The following DCLK3 variants were observed in gnomAD, a reference collection of about 807,000 sequenced individuals.
The protein encoded by DCLK3 is doublecortin like kinase 3, also known as serine/threonine-protein kinase DCLK3.
Under a neutral mutation model 46.4 loss-of-function variants are expected in DCLK3, and 30 were observed. That is an observed-to-expected ratio of 0.65 (90% CI 0.48 to 0.88). The LOEUF is 0.88. Ranked by LOEUF, DCLK3 falls within the 40% of genes least tolerant of loss-of-function variation. The pLI, the probability that DCLK3 is intolerant of heterozygous loss-of-function variation, is 0.00. For synonymous variants in DCLK3, 401 were observed against 339.2 expected (o/e 1.18, Z -2.00); for missense variants, 846 against 907.1 (o/e 0.93, Z 0.87).
chr3:36,724,643 A>C (rs532722058), intron 2 of DCLK3, among the ~76,000 whole-genome samples: 14 of 152,156 alleles, frequency 9.2e-5, no homozygotes, highest in Admixed American at 6.5e-4. Flanking sequence ...CAAGCTCTCT[A>C]TTTGCCTGCT....
intron 1 of DCLK3, among the ~76,000 whole-genome samples, chr3:36,753,286 C>G (rs1171046982): frequency 6.6e-6 from 1 of 152,180 alleles, no homozygotes; most frequent in Non-Finnish European, 1.5e-5. Flanking sequence ...TCCCTCCTCC[C>G]AATAGAATAA....
intron 2 of DCLK3, among the ~76,000 whole-genome samples, chr3:36,724,413 G>GACATGAGA (rs1701100099): frequency 6.6e-6 from 1 of 152,178 alleles, no homozygotes; most frequent in African/African-American, 2.4e-5. Context: ...GAAATGTGAG[G>GACATGAGA]ACATGAGATT....
chr3:36,764,417 C>A lies in DCLK3; in HGVS notation c.-154G>T, dbSNP rs1701568253. On this transcript the variant is annotated 5_prime_UTR_variant, in exon 1 of 5. Transcript: ENST00000636136. The surrounding 1 kb of genome is among the most constrained non-coding windows in gnomAD (Gnocchi z 4.9). ...TCTCTCCCTCCCGCCGCCCGCCGCC[C>A]GCCTGCCAGCCCCGCGCCGCGCAGC... 5.9e-6 allele frequency: 1 copy of A among 168,618 alleles called. No homozygotes were observed. The highest frequency in any genetic ancestry group is 1.8e-4 in the South Asian group (1 of 5,560). 10.4% of individuals were successfully genotyped at this position (168,618 alleles called of 1,614,324 possible).
At chr3:36,728,653 A>T (rs1230951147) in intron 2 of DCLK3, among the ~76,000 whole-genome samples, 1 of 152,172 alleles carries the variant, frequency 6.6e-6, no homozygotes, top group Non-Finnish European at 1.5e-5. Context: ...ACTTGGGCTG[A>T]GCCACGCTAC....
chr3:36,717,936 T>C (rs1297180200), intron 4 of DCLK3, 74 bp downstream of exon 4: 1 of 1,577,316 alleles, frequency 6.3e-7, no homozygotes, highest in East Asian at 2.2e-5. Flanking sequence ...CCAGGCACAG[T>C]GGTGGGTCCT....
chr3:36,760,166 C>T lies in DCLK3; in HGVS notation c.82+4016G>A, dbSNP rs146406552. Among the ~76,000 whole-genome samples the T allele has an allele frequency of 2.3e-3, 353 of 152,320 alleles. 1 individual carries two copies. The highest frequency in any genetic ancestry group is 7.8e-3 in the African/African-American group (323 of 41,568). On this transcript the variant is annotated intron_variant, in intron 1 of 4. Coordinates refer to ENST00000636136, the MANE Select transcript of DCLK3 (RefSeq NM_001394672.2). ...ATTCCTAGCTCTCTCTACCCCAGCT[C>T]CAGGCCAGACCTGCCTAGGAGGCCT...
chr3:36,739,214 T>C (rs1701317408), intron 1 of DCLK3, 130 bp from the exon 2 acceptor site: 1 of 395,458 alleles, frequency 2.5e-6, no homozygotes, highest in African/African-American at 2.1e-5. Context: ...TGAGAGTCTG[T>C]TAGAAATGAC....
Position 36,738,031 on chromosome 3 carries a change from G to A in DCLK3, c.1136C>T (p.Pro379Leu). The A allele has an allele frequency of 6.2e-7, 1 of 1,614,022 alleles. No homozygotes were observed. Among genetic ancestry groups the A allele is most frequent in the Non-Finnish European group, 8.5e-7 (1 of 1,180,002 alleles). Residue 379 changes from proline to leucine, a missense_variant, in exon 2 of 5, where the codon CCC (proline) becomes CTC (leucine). Coordinates refer to ENST00000636136, the MANE Select transcript of DCLK3 (RefSeq NM_001394672.2). ...GCTGGGTCTCCTCAGCTCTTGAGTG[G>A]GATTCCTGGGGCTGCTCCTGTGGCT... ...GDSHRSSPRN[P>L]TQELRRPSKS... is the part of the protein sequence containing the mutation.
chr3:36,739,022 G>A lies in DCLK3; in HGVS notation c.145C>T (p.Leu49=). 2.5e-6 allele frequency: 1 copy of A among 398,950 alleles called. No individual in the cohort carries two copies. The highest frequency in any genetic ancestry group is 6.3e-4 in the Middle Eastern group (1 of 1,588). The allele number at this position is 398,950 out of a possible 1,614,324, so 24.7% of individuals were successfully genotyped here. A position where few individuals can be genotyped will look rare whatever the true frequency, so the allele number is the denominator to read the frequency against. The change falls in exon 2 of 5, where the codon CTG becomes TTG. Residue 49 remains leucine, a synonymous_variant. Coordinates refer to ENST00000636136, the MANE Select transcript of DCLK3 (RefSeq NM_001394672.2). The stretch of plus-strand genomic sequence containing the variant: ...CTGGCAGGCAGCCAGGAGCCTTGCA[G>A]CTTCCGCTCTGTGATTCTCGAGCTT... ...YLSSRITERK[L]QGSWLPASRG...
chr3:36,718,495 G>A (rs1024861038), intron 3 of DCLK3, among the ~76,000 whole-genome samples: 6 of 152,206 alleles, frequency 3.9e-5, no homozygotes, highest in African/African-American at 1.2e-4. Context: ...AGACTGTGAC[G>A]CTCAGTTGCA....
intron 1 of DCLK3, among the ~76,000 whole-genome samples, chr3:36,762,643 T>C (rs1701549857): frequency 6.6e-6 from 1 of 152,176 alleles, no homozygotes; most frequent in Admixed American, 6.5e-5. Flanking sequence ...AGGCACTCCC[T>C]GTTCTGAGTC....
rs202208144 is a variant in DCLK3, at chr3:36,737,641, C to T, written c.1526G>A (p.Arg509Gln). The T allele has an allele frequency of 4.1e-5, 66 of 1,613,898 alleles. No individual in the cohort carries two copies. Among genetic ancestry groups the T allele is most frequent in the Middle Eastern group, 1.6e-4 (1 of 6,082 alleles). ...AATGATGCCCATGGGCCGTGGCTTC[C>T]GACCGCTGGGCCGCTCTGGCTTGTT... ...EENKPERPSG[R>Q]KPRPMGIIAA... Residue 509 changes from arginine to glutamine, a missense_variant, in exon 2 of 5, where the codon CGG becomes CAG. This residue lies in a region of DCLK3 where 553 missense variants were observed against 543.0 expected (regional missense o/e 1.02). Coordinates refer to ENST00000636136, the MANE Select transcript of DCLK3 (RefSeq NM_001394672.2). The surrounding 1 kb of genome is among the most constrained non-coding windows in gnomAD (Gnocchi z 4.4).
intron 1 of DCLK3, among the ~76,000 whole-genome samples, chr3:36,758,237 T>G (rs955608681): frequency 3.9e-5 from 6 of 152,232 alleles, no homozygotes; most frequent in Admixed American, 3.9e-4. Context: ...ATCACCTTTT[T>G]TTAAGAATCA....
intron 1 of DCLK3, among the ~76,000 whole-genome samples, chr3:36,741,923 G>A (rs1294554171): frequency 1.3e-5 from 2 of 152,182 alleles, no homozygotes; most frequent in Admixed American, 6.5e-5. Context: ...CCCTGGAAAG[G>A]AAGAATTATC....
chr3:36,713,603 AGG>A lies in DCLK3; in HGVS notation c.*1723_*1724del, dbSNP rs1700938769. 1 of 152,182 alleles carries A rather than the reference AGG, an allele frequency of 6.6e-6. No individual in the cohort carries two copies. Among genetic ancestry groups the A allele is most frequent in the Non-Finnish European group, 1.5e-5 (1 of 68,054 alleles). 9.4% of individuals were successfully genotyped at this position (152,182 alleles called of 1,614,324 possible). A position where few individuals can be genotyped will look rare whatever the true frequency, so the allele number is the denominator to read the frequency against. On this transcript the variant is annotated 3_prime_UTR_variant, in exon 5 of 5. Transcript: ENST00000636136. Reference sequence around the variant, plus strand: ...TTCTTTGATGTGGTTTCAAGTTTCTAGGGGGTGTCAACGGTTTGGTTTCCCGA... The same window carrying A: ...TTCTTTGATGTGGTTTCAAGTTTCTAGGGTGTCAACGGTTTGGTTTCCCGA...
At chr3:36,756,323 T>G (rs1013231637) in intron 1 of DCLK3, among the ~76,000 whole-genome samples, 5 of 152,214 alleles carry the variant, frequency 3.3e-5, no homozygotes, top group Non-Finnish European at 7.3e-5. Flanking sequence ...CCCAGGACAT[T>G]AGCTGCCCAG....
chr3:36,715,977 C>A (rs577118513), intron 4 of DCLK3, among the ~76,000 whole-genome samples: 2 of 152,222 alleles, frequency 1.3e-5, no homozygotes, highest in Admixed American at 6.5e-5. Context: ...GGTTTCAAAT[C>A]GAAACTAACA....
At chr3:36,743,255 T>A in intron 1 of DCLK3, among the ~76,000 whole-genome samples, 1 of 103,444 alleles carries the variant, frequency 9.7e-6, no homozygotes, top group African/African-American at 3.7e-5. Flanking sequence ...GTAAGTATAA[T>A]GCAAATATCC....
intron 2 of DCLK3, among the ~76,000 whole-genome samples, chr3:36,729,111 G>A (rs1254996478): frequency 6.6e-6 from 1 of 152,176 alleles, no homozygotes; most frequent in Admixed American, 6.5e-5. Flanking sequence ...GATTCGATCA[G>A]AGCAGAGGAC....
Sources: allele counts gnomAD v4.1 joint callset (sites outside exome capture counted in the v4.1 genomes callset), GRCh38; gene constraint gnomAD v4.1.1; regional missense constraint gnomAD v4.1.1; non-coding constraint Gnocchi (gnomAD v3.1); transcripts MANE v1.5; gene names NCBI Gene and HGNC (gene_info 2026-07-23, HGNC 2026-07-21).